Variants in SERPINI1 observed in about 807,000 individuals in gnomAD.
SERPINI1 encodes the protein neuroserpin.
In SERPINI1, 19 loss-of-function variants were observed where a neutral mutation model predicts 41.1. The ratio of observed to expected loss-of-function variants is 0.46; its 90% CI spans 0.32 to 0.68. SERPINI1 has a LOEUF of 0.68. Ranked by LOEUF, SERPINI1 falls within the 30% of genes least tolerant of loss-of-function variation. SERPINI1 has a pLI of 0.03. For synonymous variants in SERPINI1, 138 were observed against 156.6 expected, an observed-to-expected ratio of 0.88 and a Z score of 0.89; for missense variants, 460 against 479.2, an observed-to-expected ratio of 0.96 and a Z score of 0.37.
intron 3 of SERPINI1, 45 bp from the exon 4 acceptor site, chr3:167,792,545 T>C (rs549900839): frequency 6.5e-6 from 10 of 1,546,860 alleles, no homozygotes; most frequent in Non-Finnish European, 8.9e-6. Context: ...CCCTTGATCT[T>C]CCAGTTTAAC....
intron 6 of SERPINI1, among the ~76,000 whole-genome samples, chr3:167,822,581 GAA>G (rs1712373244): frequency 6.6e-6 from 1 of 151,972 alleles, no homozygotes; most frequent in African/African-American, 2.4e-5. Context: ...GTTAAAAAAG[GAA>G]AAAATTTTTT....
chr3:167,817,506 T>C (rs1444550169), intron 6 of SERPINI1, among the ~76,000 whole-genome samples: 1 of 152,168 alleles, frequency 6.6e-6, no homozygotes, highest in Non-Finnish European at 1.5e-5. Flanking sequence ...GAGAAAGTTT[T>C]TGTATACTGA....
chr3:167,751,187 T>C (rs1205232161), intron 1 of SERPINI1, among the ~76,000 whole-genome samples: 1 of 152,136 alleles, frequency 6.6e-6, no homozygotes, highest in African/African-American at 2.4e-5. Context: ...AGATTTTCTT[T>C]AGGTAAGGAA....
chr3:167,799,861 T>C (rs1284218743), intron 5 of SERPINI1, among the ~76,000 whole-genome samples: 1 of 152,234 alleles, frequency 6.6e-6, no homozygotes, highest in Non-Finnish European at 1.5e-5. Context: ...GAAGTGTCTG[T>C]TCATATCCTT....
chr3:167,792,713 T>C lies in SERPINI1; in HGVS notation c.605T>C (p.Phe202Ser). 1 of 1,613,878 alleles carries C rather than the reference T, an allele frequency of 6.2e-7. No homozygotes were observed. Among genetic ancestry groups the C allele is most frequent in the Non-Finnish European group, 8.5e-7 (1 of 1,179,898 alleles). Residue 202 changes from phenylalanine to serine, a missense_variant, in exon 4 of 9, where the codon TTT (phenylalanine) becomes TCT (serine). Transcript: ENST00000446050. The part of the protein sequence containing the change: ...SQFRPENTRT[F>S]SFTKDDESEV... ...TTTAGGCCTGAAAATACTAGAACCTTTTCTTTCACTAAAGATGATGAAAGT... is the reference window on the plus strand; with the variant it reads ...TTTAGGCCTGAAAATACTAGAACCTCTTCTTTCACTAAAGATGATGAAAGT...
At chr3:167,765,616 G>C (rs1726536769) in intron 1 of SERPINI1, among the ~76,000 whole-genome samples, 1 of 152,206 alleles carries the variant, frequency 6.6e-6, no homozygotes, top group Non-Finnish European at 1.5e-5. Context: ...ATAACATTCA[G>C]CTCCTTGTTA....
In SERPINI1 at chr3:167,776,003, G is replaced by T. The variant is rs553582437; in HGVS notation, c.-18-13108G>T. Among the ~76,000 whole-genome samples, 6 of 152,268 alleles carry T rather than the reference G, an allele frequency of 3.9e-5. No individual in the cohort carries two copies. The Middle Eastern group carries it at 0.01, about 259-fold the overall frequency. ...ATACTCTTTTCTCACCTACAAAATG[G>T]GGGGAGGCCTTACCAGGTGTTTCCA... is the stretch of plus-strand genomic sequence containing the variant. On this transcript the variant is annotated intron_variant, in intron 1 of 8. Coordinates refer to ENST00000446050, the MANE Select transcript of SERPINI1 (RefSeq NM_001122752.2).
At position 167,765,689 on chromosome 3, in the gene SERPINI1, A is replaced by G. The variant is rs558741174; in HGVS notation, c.-18-23422A>G. On this transcript the variant is annotated intron_variant, in intron 1 of 8. Coordinates refer to ENST00000446050, the MANE Select transcript of SERPINI1 (RefSeq NM_001122752.2). Reference sequence around the variant, plus strand: ...CAAAAAATAGAATTTTCTTTTCTATAGCATTGTCAGGCTGCAAATTTTCTG... The same window carrying G: ...CAAAAAATAGAATTTTCTTTTCTATGGCATTGTCAGGCTGCAAATTTTCTG... 3.3e-5 allele frequency among the ~76,000 whole-genome samples: 5 copies of G among 152,346 alleles called. No individual in the cohort carries two copies. In the South Asian group the frequency reaches 1.0e-3, roughly 32 times the overall value.
chr3:167,812,683 C>T (rs1711934329), intron 6 of SERPINI1, among the ~76,000 whole-genome samples: 1 of 152,130 alleles, frequency 6.6e-6, no homozygotes, highest in South Asian at 2.1e-4. Context: ...TGCTTAGGAC[C>T]TACTGAATGA....
intron 6 of SERPINI1, among the ~76,000 whole-genome samples, chr3:167,821,105 A>G (rs1012435668): frequency 6.6e-6 from 1 of 152,080 alleles, no homozygotes; most frequent in Non-Finnish European, 1.5e-5. Flanking sequence ...GTCACTCTAT[A>G]AAGCACCTCT....
chr3:167,754,646 T>C (rs1337704593), intron 1 of SERPINI1, among the ~76,000 whole-genome samples: 2 of 152,094 alleles, frequency 1.3e-5, no homozygotes, highest in East Asian at 3.8e-4. Context: ...ATAAATCCAC[T>C]AGAAGAAAAA....
intron 1 of SERPINI1, among the ~76,000 whole-genome samples, chr3:167,778,910 G>A (rs1019909902): frequency 1.3e-5 from 2 of 152,248 alleles, no homozygotes; most frequent in Non-Finnish European, 2.9e-5. Context: ...AGGACAGATA[G>A]TTTGGGGGGT....
rs546894431 is a variant in SERPINI1 at position 167,740,625 on chromosome 3, A to G, written c.-19+4802A>G. ...AGCCCTCTGCCAACAACGGTTGCTT[A>G]TATTACAGCTAAATATAAATATTGC... On this transcript the variant is annotated intron_variant, in intron 1 of 8. Transcript: ENST00000446050. Among the ~76,000 whole-genome samples the G allele has an allele frequency of 5.9e-5, 9 of 152,348 alleles. No individual in the cohort carries two copies. The South Asian group carries it at 8.3e-4, about 14-fold the overall frequency.
chr3:167,757,258 A>G (rs918144011), intron 1 of SERPINI1, among the ~76,000 whole-genome samples: 1 of 152,220 alleles, frequency 6.6e-6, no homozygotes, highest in Non-Finnish European at 1.5e-5. Flanking sequence ...CACTGAAGGC[A>G]GTGTATAATG....
At chr3:167,818,472 C>T (rs1390471139) in intron 6 of SERPINI1, among the ~76,000 whole-genome samples, 1 of 151,930 alleles carries the variant, frequency 6.6e-6, no homozygotes, top group Non-Finnish European at 1.5e-5. Context: ...GAAAATTATA[C>T]ATAGTATTTT....
intron 7 of SERPINI1, among the ~76,000 whole-genome samples, 189 bp downstream of exon 7, chr3:167,823,261 C>T (rs1712401990): frequency 6.6e-6 from 1 of 152,200 alleles, no homozygotes; most frequent in Non-Finnish European, 1.5e-5. Flanking sequence ...TCCAGTGCCC[C>T]TTTACAGATA....
intron 5 of SERPINI1, among the ~76,000 whole-genome samples, chr3:167,795,416 A>G (rs1377130335): frequency 1.3e-5 from 2 of 152,160 alleles, no homozygotes; most frequent in African/African-American, 4.8e-5. Context: ...CTGGCCACTC[A>G]CCACATCAAG....
intron 1 of SERPINI1, among the ~76,000 whole-genome samples, chr3:167,785,746 T>C (rs1727282660): frequency 6.6e-6 from 1 of 152,230 alleles, no homozygotes. Flanking sequence ...CCTTGTTTTA[T>C]GGAATGCTTA....
intron 5 of SERPINI1, among the ~76,000 whole-genome samples, chr3:167,799,729 G>T (rs887637400): frequency 6.6e-6 from 1 of 152,014 alleles, no homozygotes; most frequent in Non-Finnish European, 1.5e-5. Context: ...TTTAATGATC[G>T]CCATTCTAAC....
Sources: allele counts gnomAD v4.1 joint callset (sites outside exome capture counted in the v4.1 genomes callset), GRCh38; gene constraint gnomAD v4.1.1; transcripts MANE v1.5; gene names NCBI Gene and HGNC (gene_info 2026-07-23, HGNC 2026-07-21).